NABP2: variants seen among roughly 807,000 people sequenced by gnomAD.
NABP2 encodes nucleic acid binding protein 2.
NABP2 carries 7 observed loss-of-function variants against 22.7 expected under a neutral mutation model. The ratio of observed to expected loss-of-function variants is 0.31; its 90% CI spans 0.18 to 0.58. The LOEUF (loss-of-function observed/expected upper bound fraction) is 0.58. Among genes scored for constraint, NABP2 ranks in the 20% least tolerant of loss-of-function variants. NABP2 has a pLI of 0.89. For missense variants in NABP2, 188 were observed against 265.9 expected, an observed-to-expected ratio of 0.71 and a Z score of 2.04; for synonymous variants, 107 against 99.2, an observed-to-expected ratio of 1.08 and a Z score of -0.47.
intron 6 of NABP2, among the ~76,000 whole-genome samples, chr12:56,226,877 C>G (rs1464790931): frequency 6.6e-6 from 1 of 151,542 alleles, no homozygotes; most frequent in African/African-American, 2.4e-5. Flanking sequence ...GTGCACGCCA[C>G]CATGCCCTGC....
chr12:56,225,071 C>A (rs537018563), intron 2 of NABP2, 136 bp downstream of exon 2: 19 of 720,262 alleles, frequency 2.6e-5, no homozygotes, highest in Admixed American at 4.7e-5. Context: ...TCTCTTCGAC[C>A]CTGGGACAGA....
At position 56,226,406 on chromosome 12, in the gene NABP2, T is replaced by G; in HGVS notation, c.423T>G (p.Ser141=). The change falls in exon 6 of 7, where the codon TCT becomes TCG. Residue 141 remains serine (S), a synonymous_variant. Coordinates refer to ENST00000267023, the MANE Select transcript of NABP2 (RefSeq NM_024068.4). ...CTTCCCAGCCTACCACTGGACCCTC[T>G]GCTGCCTCTCCAGGTAAATCTGTTC... ...PSASQPTTGP[S]AASPASENQN... is the part of the protein sequence containing the mutation. The G allele has an allele frequency of 6.2e-7, 1 of 1,613,304 alleles. No individual in the cohort carries two copies. The highest frequency in any genetic ancestry group is 1.3e-5 in the African/African-American group (1 of 75,014).
upstream of NABP2, among the ~76,000 whole-genome samples, chr12:56,222,935 A>C (rs1276565827): frequency 6.6e-6 from 1 of 152,146 alleles, no homozygotes; most frequent in Non-Finnish European, 1.5e-5. Flanking sequence ...CTCTGAGATA[A>C]GTAAGATAAG....
intron 6 of NABP2, among the ~76,000 whole-genome samples, chr12:56,227,700 G>A (rs1195131653): frequency 6.6e-6 from 1 of 152,124 alleles, no homozygotes; most frequent in African/African-American, 2.4e-5. Flanking sequence ...CATCATCCTA[G>A]CTACTTGGGA....
At chr12:56,224,704 A>C in intron 1 of NABP2, 130 bp from the exon 2 acceptor site, 1 of 910,024 alleles carries the variant, frequency 1.1e-6, no homozygotes, top group Non-Finnish European at 1.6e-6. Flanking sequence ...GTTCTTTTTT[A>C]ATCTTTTAGA....
intron 4 of NABP2, 145 bp downstream of exon 4, chr12:56,225,840 C>T (rs1344766271): frequency 1.0e-6 from 1 of 967,172 alleles, no homozygotes; most frequent in Non-Finnish European, 1.6e-6. Context: ...GTCTCTGTCG[C>T]TCAGGCTGGA....
rs1299219046 is a variant in NABP2, at chr12:56,226,257, G to C, written c.369G>C (p.Lys123Asn). 6.2e-7 allele frequency: 1 copy of C among 1,614,156 alleles called. No homozygotes were observed. The highest frequency in any genetic ancestry group is 1.1e-5 in the South Asian group (1 of 91,078). Residue 123 changes from lysine to asparagine, a missense_variant, in exon 5 of 7, where the codon AAG (lysine) becomes AAC (asparagine). Physicochemically the swap from Lys to Asn is moderately conservative, Grantham distance 94. Transcript: ENST00000267023. ...ACAGCACCCAGCAGGCACCCAACAA[G>C]GCGGTGAGTCCTGTGGCCACAATGG... is the stretch of plus-strand genomic sequence containing the variant. ...PEYSTQQAPN[K>N]AVQNDSNPSA...
chr12:56,227,664 A>G (rs1184086129), intron 6 of NABP2, among the ~76,000 whole-genome samples: 2 of 152,144 alleles, frequency 1.3e-5, no homozygotes, highest in Non-Finnish European at 2.9e-5. Flanking sequence ...CATTGAAAAT[A>G]TAAGCCAGAC....
At chr12:56,224,559 A>G in intron 1 of NABP2, 118 bp downstream of exon 1, 1 of 1,217,760 alleles carries the variant, frequency 8.2e-7, no homozygotes, top group South Asian at 2.2e-5. Flanking sequence ...CGGGTTCCCT[A>G]CCCCTGTCTA....
At position 56,225,684 on chromosome 12, in the gene NABP2, G is replaced by T; in HGVS notation, c.279G>T (p.Gln93His). 4 of 1,614,234 alleles carry T rather than the reference G, an allele frequency of 2.5e-6. No individual in the cohort carries two copies. The highest frequency in any genetic ancestry group is 3.4e-6 in the Non-Finnish European group (4 of 1,180,052). The change falls in exon 4 of 7, where the codon CAG (glutamine) becomes CAT (histidine). Residue 93 changes from glutamine to histidine, a missense_variant. Gln to His is a conservative substitution (Grantham distance 24). Transcript: ENST00000267023. The stretch of plus-strand genomic sequence containing the variant: ...ATACTGGCCGTGGGGGTGATCTGCA[G>T]AAGATTGGAGAGTAAGTGCTGTCTT... The part of the protein sequence containing the change: ...TLYTGRGGDL[Q>H]KIGEFCMVYS...
chr12:56,225,893 G>T (rs956743469), intron 4 of NABP2, among the ~76,000 whole-genome samples, 198 bp downstream of exon 4: 1 of 152,102 alleles, frequency 6.6e-6, no homozygotes, highest in Non-Finnish European at 1.5e-5. Flanking sequence ...TTGACCTCCC[G>T]GGGTCAGGTG....
upstream of NABP2, chr12:56,224,239 G>A (rs1592366131): frequency 1.3e-6 from 1 of 780,306 alleles, no homozygotes; most frequent in Non-Finnish European, 1.6e-6. Context: ...ACGAGTCTCT[G>A]ATCCCGATTG....
intron 5 of NABP2, 25 bp from the exon 6 acceptor site, chr12:56,226,331 C>A: frequency 1.2e-6 from 2 of 1,614,042 alleles, no homozygotes; most frequent in East Asian, 2.2e-5. Context: ...GGAGCAGGAT[C>A]TGAATATGTA....
chr12:56,223,768 T>A (rs951895476), upstream of NABP2: 2 of 152,222 alleles, frequency 1.3e-5, no homozygotes, highest in African/African-American at 4.8e-5. Context: ...CAAGGCACTT[T>A]TTTAAATATA....
intron 6 of NABP2, 145 bp downstream of exon 6, chr12:56,226,564 T>TC: frequency 1.5e-6 from 1 of 660,270 alleles, no homozygotes; most frequent in Non-Finnish European, 2.5e-6. Context: ...CCCCTTTTTT[T>TC]TTTTTTTTTT....
rs970100653 is a variant in NABP2, at chr12:56,224,396, C to G, written c.-69C>G. 26 of 991,684 alleles carry G rather than the reference C, an allele frequency of 2.6e-5. No homozygotes were observed. Among genetic ancestry groups the G allele is most frequent in the African/African-American group, 3.5e-5 (2 of 57,390 alleles). The allele number at this position is 991,684 out of a possible 1,614,324, so 61.4% of individuals were successfully genotyped here. A position where few individuals can be genotyped will look rare whatever the true frequency, so the allele number is the denominator to read the frequency against. ...GGCGGCAGCGGAGCCTGTGGCTCCC[C>G]CTGCGGGCTGCTCAGCGGCGTGCAC... is the stretch of plus-strand genomic sequence containing the variant. On this transcript the variant is annotated 5_prime_UTR_variant, in exon 1 of 7. Transcript: ENST00000267023.
Position 56,224,617 on chromosome 12 carries a change from A to AG in NABP2, c.-24+181dup. 6.7e-6 allele frequency: 8 copies of AG among 1,192,904 alleles called. No homozygotes were observed. In the South Asian group the frequency reaches 1.7e-4, roughly 26 times the overall value. 73.9% of individuals were successfully genotyped at this position (1,192,904 alleles called of 1,614,324 possible). Reference sequence around the variant, plus strand: ...CTTGAGACTAAAAGAGCATCCCGGCAGGGGGCCTTCCAGCCCCAAAGCAGC... The same window carrying AG: ...CTTGAGACTAAAAGAGCATCCCGGCAGGGGGGCCTTCCAGCCCCAAAGCAGC... On this transcript the variant is annotated intron_variant, in intron 1 of 6. Transcript: ENST00000267023.
At position 56,229,087 on chromosome 12, in the gene NABP2, T is replaced by TTGCCAACCC; in HGVS notation, c.510_511insTGCCAACCC (p.Thr170_Pro171insCysGlnPro). 2.0e-6 allele frequency: 3 copies of TTGCCAACCC among 1,512,344 alleles called. No individual in the cohort carries two copies. Among genetic ancestry groups the TTGCCAACCC allele is most frequent in the Non-Finnish European group, 1.8e-6 (2 of 1,102,012 alleles). The allele number at this position is 1,512,344 out of a possible 1,614,324, so 93.7% of individuals were successfully genotyped here. A position where few individuals can be genotyped will look rare whatever the true frequency, so the allele number is the denominator to read the frequency against. The stretch of plus-strand genomic sequence containing the variant: ...GTGGTGGCCCACATCCCCCTCATAC[T>TTGCCAACCC]CCCTCCCACCCACCCAGCACCCGAA... On this transcript the variant is annotated inframe_insertion, in exon 7 of 7. Coordinates refer to ENST00000267023, the MANE Select transcript of NABP2 (RefSeq NM_024068.4).
At chr12:56,226,557 CTTTTTTTT>C (rs10676451) in intron 6 of NABP2, 138 bp downstream of exon 6, 7 of 271,336 alleles carry the variant, frequency 2.6e-5, no homozygotes, top group East Asian at 8.9e-5. Flanking sequence ...TCCCAGACCC[CTTTTTTTT>C]TTTTTTTTTT....
Sources: gnomAD v4.1 joint callset for allele counts (sites outside exome capture counted in the v4.1 genomes callset) on GRCh38, gnomAD v4.1.1 for gene constraint, MANE v1.5 for transcripts, NCBI Gene and HGNC (gene_info 2026-07-23, HGNC 2026-07-21) for gene names.